Variants in DOCK10 observed in about 807,000 individuals in gnomAD.
The protein encoded by DOCK10 is dedicator of cytokinesis protein 10.
In DOCK10, 145 loss-of-function variants were observed where a neutral mutation model predicts 280.1. That is an observed-to-expected ratio of 0.52 (90% CI 0.45 to 0.59). DOCK10 has a LOEUF of 0.59. Ranked by LOEUF, DOCK10 falls within the 20% of genes least tolerant of loss-of-function variation. The pLI, the probability that DOCK10 is intolerant of heterozygous loss-of-function variation, is 0.00. For missense variants in DOCK10, 2,368 were observed against 2,651.7 expected (o/e 0.89, Z 2.35); for synonymous variants, 915 against 942.2 (o/e 0.97, Z 0.53).
chr2:224,807,977 G>T lies in DOCK10; in HGVS notation c.3519C>A (p.His1173Gln). Residue 1173 changes from histidine (H) to glutamine (Q), a missense_variant, in exon 32 of 56, where the codon CAC becomes CAA. Coordinates refer to ENST00000258390, the MANE Select transcript of DOCK10 (RefSeq NM_014689.3). Reference protein sequence around the residue: ...FALQEDQDVRHLALAVLKNLM... With the variant: ...FALQEDQDVRQLALAVLKNLM... ...GATTTTTTAGGACAGCTAAAGCTAAGTGTCTGACATCTTGGTCTTCCTGCA... is the reference window on the plus strand; with the variant it reads ...GATTTTTTAGGACAGCTAAAGCTAATTGTCTGACATCTTGGTCTTCCTGCA... The T allele has an allele frequency of 1.2e-6, 2 of 1,613,058 alleles. No homozygotes were observed. Among genetic ancestry groups the T allele is most frequent in the Non-Finnish European group, 1.7e-6 (2 of 1,179,464 alleles).
At chr2:224,819,611 G>T in intron 28 of DOCK10, 82 bp from the exon 29 acceptor site, 2 of 898,452 alleles carry the variant, frequency 2.2e-6, no homozygotes, top group East Asian at 2.9e-5. Context: ...TAAATATATT[G>T]AAGTAAAATA....
chr2:224,955,323 T>C (rs1310981732), intron 1 of DOCK10, among the ~76,000 whole-genome samples: 3 of 152,252 alleles, frequency 2.0e-5, no homozygotes, highest in African/African-American at 7.2e-5. Context: ...TGCTTTATTC[T>C]TGTGGCTGTC....
intron 1 of DOCK10, among the ~76,000 whole-genome samples, chr2:224,940,884 G>T (rs1308531146): frequency 6.6e-6 from 1 of 152,136 alleles, no homozygotes; most frequent in African/African-American, 2.4e-5. Flanking sequence ...TGTCTCATCT[G>T]TTGTATATTA....
intron 28 of DOCK10, among the ~76,000 whole-genome samples, chr2:224,821,769 C>T (rs976596385): frequency 3.3e-5 from 5 of 152,040 alleles, no homozygotes; most frequent in South Asian, 2.1e-4. Flanking sequence ...TTCTAAGTTT[C>T]CTAGTAAACT....
rs1256011606 is a variant in DOCK10 at position 224,841,696 on chromosome 2, T to C, written c.2661+108A>G. ...TCTGAATTGATAAGGTATTAAAAAA[T>C]CTTGAGTAATAATCATCTCCCAGTT... is the stretch of plus-strand genomic sequence containing the variant. On this transcript the variant is annotated intron_variant, in intron 23 of 55. Transcript: ENST00000258390. 7.7e-6 allele frequency: 5 copies of C among 649,908 alleles called. No homozygotes were observed. The African/African-American group carries it at 8.9e-5, about 12-fold the overall frequency. 40.3% of individuals were successfully genotyped at this position (649,908 alleles called of 1,614,324 possible).
intron 1 of DOCK10, among the ~76,000 whole-genome samples, chr2:224,963,111 C>G (rs1437434079): frequency 6.6e-6 from 1 of 152,110 alleles, no homozygotes. Flanking sequence ...TGGGCCATGC[C>G]TGCCCTAGTT....
intron 11 of DOCK10, among the ~76,000 whole-genome samples, chr2:224,867,364 C>T (rs1171572422): frequency 6.6e-6 from 1 of 152,132 alleles, no homozygotes; most frequent in Admixed American, 6.5e-5. Flanking sequence ...CTAGTTGCCT[C>T]CTCTGGGCTG....
Position 224,817,292 on chromosome 2 carries a change from G to A in DOCK10, c.3268-579C>T, listed in dbSNP as rs528050165. Among the ~76,000 whole-genome samples, 3 of 152,196 alleles carry A rather than the reference G, an allele frequency of 2.0e-5. No homozygotes were observed. The South Asian group carries it at 6.2e-4, about 32-fold the overall frequency. ...ATGGAGAGAAATGGAGTCCAGGCAC[G>A]GTCAAAGTAACACAGGAGTCAAGAA... On this transcript the variant is annotated intron_variant, in intron 29 of 55. Transcript: ENST00000258390.
In DOCK10 at chr2:224,845,524, G is replaced by A. The variant is rs768385095; in HGVS notation, c.2354C>T (p.Thr785Met). 1.1e-5 allele frequency: 18 copies of A among 1,611,640 alleles called. No individual in the cohort carries two copies. Among genetic ancestry groups the A allele is most frequent in the South Asian group, 6.6e-5 (6 of 90,280 alleles). ...ANAKKKEALE[T>M]SVGYAWLPLM... ...AGATTTCTTCCTGGCAGTACCTGAC[G>A]TTTCCAGAGCCTCCTTCTTTTTGGC... The change falls in exon 20 of 56, where the codon ACG becomes ATG. Residue 785 changes from threonine (T) to methionine (M), a missense_variant. By Grantham distance (81) the Thr-to-Met change is moderately conservative. Coordinates refer to ENST00000258390, the MANE Select transcript of DOCK10 (RefSeq NM_014689.3).
chr2:224,918,860 G>C (rs1701498094), intron 2 of DOCK10, among the ~76,000 whole-genome samples: 1 of 143,440 alleles, frequency 7.0e-6, no homozygotes, highest in South Asian at 2.3e-4. Flanking sequence ...TGTGTGTGTG[G>C]CGTGTGTGAG....
chr2:224,810,753 C>T (rs1441831287), intron 31 of DOCK10, among the ~76,000 whole-genome samples: 11 of 150,190 alleles, frequency 7.3e-5, no homozygotes, highest in Middle Eastern at 3.5e-3. Flanking sequence ...TTTGTCCTTG[C>T]GATAGTTTGC....
intron 48 of DOCK10, among the ~76,000 whole-genome samples, chr2:224,788,313 T>C (rs2125086037): frequency 6.6e-6 from 1 of 152,312 alleles, no homozygotes; most frequent in South Asian, 2.1e-4. Context: ...CTGAATAAAG[T>C]TATATAAGCT....
At chr2:225,003,518 G>A (rs1008580406) in intron 1 of DOCK10, among the ~76,000 whole-genome samples, 1 of 152,130 alleles carries the variant, frequency 6.6e-6, no homozygotes, top group Non-Finnish European at 1.5e-5. Context: ...CCCACAATCT[G>A]GAAATCCTGA....
chr2:224,935,252 A>G (rs956346644), intron 1 of DOCK10, among the ~76,000 whole-genome samples: 2 of 152,240 alleles, frequency 1.3e-5, no homozygotes, highest in African/African-American at 4.8e-5. Context: ...CAAATATCTG[A>G]ATTATTTTCA....
chr2:224,815,435 G>T (rs1694068400), intron 30 of DOCK10, among the ~76,000 whole-genome samples: 2 of 151,822 alleles, frequency 1.3e-5, no homozygotes, highest in Admixed American at 6.6e-5. Context: ...ATCTCAATCA[G>T]CCTGGCTAAC....
rs532764583 is a variant in DOCK10, at chr2:224,970,389, G to A, written c.124-38721C>T. Among the ~76,000 whole-genome samples the A allele has an allele frequency of 1.9e-4, 29 of 152,212 alleles. No individual in the cohort carries two copies. The highest frequency in any genetic ancestry group is 6.7e-4 in the African/African-American group (28 of 41,530). On this transcript the variant is annotated intron_variant, in intron 1 of 55. Transcript: ENST00000258390. This position sits in a 1 kb window ranked among gnomAD's most constrained non-coding sequence, Gnocchi z 4.6. Reference sequence around the variant, plus strand: ...GCAAATAAGGACACTGAGGCTCAGGGAACTCAGGGAATTATCCGAAGTCCT... The same window carrying A: ...GCAAATAAGGACACTGAGGCTCAGGAAACTCAGGGAATTATCCGAAGTCCT...
At position 224,800,174 on chromosome 2, in the gene DOCK10, A is replaced by T; in HGVS notation, c.4483T>A (p.Ser1495Thr). ...EVCLTILDLL[S>T]LFTQTHQRQL... The stretch of plus-strand genomic sequence containing the variant: ...ACCTGATGAGTCTGTGTGAAGAGGG[A>T]TAACAGGTCCAGAATAGTGAGGCAA... The change falls in exon 41 of 56, where the codon TCC (serine) becomes ACC (threonine). Residue 1495 changes from serine (S) to threonine (T), a missense_variant. Transcript: ENST00000258390. The T allele has an allele frequency of 6.2e-7, 1 of 1,609,586 alleles. No homozygotes were observed. Among genetic ancestry groups the T allele is most frequent in the Non-Finnish European group, 8.5e-7 (1 of 1,176,628 alleles).
chr2:224,852,374 C>T lies in DOCK10; in HGVS notation c.2142+3G>A. ...GCTGGGTCCCTTTGCTGACTTGGCT[C>T]ACCTTCAGGGGCTTGGCACTTTCTT... On this transcript the variant is annotated splice_donor_region_variant and intron_variant, in intron 18 of 55. Transcript: ENST00000258390. The T allele has an allele frequency of 6.4e-7, 1 of 1,568,360 alleles. No homozygotes were observed. Among genetic ancestry groups the T allele is most frequent in the Non-Finnish European group, 8.7e-7 (1 of 1,155,382 alleles).
chr2:224,892,969 C>T (rs998513557), intron 4 of DOCK10, among the ~76,000 whole-genome samples: 6 of 152,228 alleles, frequency 3.9e-5, no homozygotes, highest in Admixed American at 3.9e-4. Context: ...TAAAATTCTT[C>T]CCCCAGGACC....
Sources: allele counts gnomAD v4.1 joint callset (sites outside exome capture counted in the v4.1 genomes callset), GRCh38; gene constraint gnomAD v4.1.1; non-coding constraint Gnocchi (gnomAD v3.1); transcripts MANE v1.5; gene names NCBI Gene and HGNC (gene_info 2026-07-23, HGNC 2026-07-21).